ATAD5: variants seen among roughly 807,000 people sequenced by gnomAD.
ATAD5 encodes the protein ATPase family AAA domain containing 5.
A neutral mutation model predicts 176.9 loss-of-function variants in ATAD5; 58 were observed. That is an observed-to-expected ratio of 0.33 (90% CI 0.27 to 0.41). The LOEUF (loss-of-function observed/expected upper bound fraction) is 0.41, where lower values mean the gene tolerates loss of function less well. Among genes scored for constraint, ATAD5 ranks in the 10% least tolerant of loss-of-function variants. ATAD5 has a pLI of 1.00. For missense variants in ATAD5, 1,789 were observed against 2,094.1 expected, an observed-to-expected ratio of 0.85 and a Z score of 2.84; for synonymous variants, 640 against 712.6, an observed-to-expected ratio of 0.90 and a Z score of 1.62.
At chr17:30,848,919 G>A (rs1324770962) in intron 6 of ATAD5, among the ~76,000 whole-genome samples, 2 of 152,086 alleles carry the variant, frequency 1.3e-5, no homozygotes, top group African/African-American at 4.8e-5. Flanking sequence ...CGCCCAGACT[G>A]GAGTACAGTG....
In ATAD5 at chr17:30,883,149, CG is replaced by C. The variant is rs1199451882; in HGVS notation, c.4077+3664del. On this transcript the variant is annotated intron_variant, in intron 18 of 22. Coordinates refer to ENST00000321990, the MANE Select transcript of ATAD5 (RefSeq NM_024857.5). ...ATTTTTTTTTTTTTTTTTTGAGATACGGTCTCACTCTATCTCCTAGGCTGGA... is the reference window on the plus strand; with the variant it reads ...ATTTTTTTTTTTTTTTTTTGAGATACGTCTCACTCTATCTCCTAGGCTGGA... Among the ~76,000 whole-genome samples, 10 of 137,254 alleles carry C rather than the reference CG, an allele frequency of 7.3e-5. No homozygotes were observed. In the East Asian group the frequency reaches 2.1e-3, roughly 29 times the overall value. 90.0% of individuals were successfully genotyped at this position (137,254 alleles called of 152,430 possible).
rs770343109 is a variant in ATAD5, at chr17:30,834,926, T to C, written c.845T>C (p.Ile282Thr). 2 of 1,612,126 alleles carry C rather than the reference T, an allele frequency of 1.2e-6. No homozygotes were observed. The highest frequency in any genetic ancestry group is 1.7e-5 in the Admixed American group (1 of 59,566). ...CACAAGGAAAATAAAGTGGAAGAGA[T>C]ACCAGACTCTACAATGTCAATTTGT... ...KSHKENKVEE[I>T]PDSTMSICVP... is the part of the protein sequence containing the mutation. Residue 282 changes from isoleucine to threonine, a missense_variant, in exon 2 of 23, where the codon ATA becomes ACA. Around this residue, in one of 6 missense-constraint regions of ATAD5, gnomAD observed 696 missense variants for 712.5 expected, o/e 0.98. Coordinates refer to ENST00000321990, the MANE Select transcript of ATAD5 (RefSeq NM_024857.5).
intron 4 of ATAD5, 94 bp downstream of exon 4, chr17:30,840,875 T>G: frequency 7.9e-7 from 1 of 1,271,340 alleles, no homozygotes; most frequent in Non-Finnish European, 1.1e-6. Flanking sequence ...AAGGTAGGTT[T>G]GTGTGATAGC....
At chr17:30,834,052 T>A (rs140507271) in intron 1 of ATAD5, 96 bp from the exon 2 acceptor site, 18,982 of 1,066,834 alleles carry the variant, frequency 0.018, 213 homozygotes, top group Non-Finnish European at 0.02. Context: ...TTCCTTTTTT[T>A]AATCCTATTA....
chr17:30,858,417 C>G (rs1907413429), intron 9 of ATAD5, 94 bp downstream of exon 9: 2 of 954,052 alleles, frequency 2.1e-6, no homozygotes, highest in Admixed American at 8.9e-5. Context: ...CGGAGTTTTG[C>G]TCTTGTCGCC....
chr17:30,869,926 A>C (rs1436356191), intron 14 of ATAD5: 1 of 302,198 alleles, frequency 3.3e-6, no homozygotes, highest in Non-Finnish European at 6.0e-6. Flanking sequence ...CCTAAGCAGC[A>C]TAGCGAGACC....
At chr17:30,886,221 A>C (rs1333560032) in intron 18 of ATAD5, among the ~76,000 whole-genome samples, 3 of 150,948 alleles carry the variant, frequency 2.0e-5, no homozygotes, top group Non-Finnish European at 2.9e-5. Context: ...ATTAAGGTTA[A>C]GCTGCCCTCA....
chr17:30,831,975 A>T lies in ATAD5; in HGVS notation c.-373A>T. On this transcript the variant is annotated 5_prime_UTR_variant, in exon 1 of 23. Coordinates refer to ENST00000321990, the MANE Select transcript of ATAD5 (RefSeq NM_024857.5). ...GTAAACTCCGCCCCTTGCGCGCAGG[A>T]CGGCGCGAAAACCCAATTGACAAGA... The T allele has an allele frequency of 3.2e-6, 1 of 311,190 alleles. No homozygotes were observed. The highest frequency in any genetic ancestry group is 5.9e-6 in the Non-Finnish European group (1 of 170,754). 19.3% of individuals were successfully genotyped at this position (311,190 alleles called of 1,614,324 possible).
chr17:30,844,889 A>G lies in ATAD5; in HGVS notation c.2423A>G (p.Asp808Gly). The G allele has an allele frequency of 6.3e-7, 1 of 1,584,526 alleles. No homozygotes were observed. The highest frequency in any genetic ancestry group is 8.5e-7 in the Non-Finnish European group (1 of 1,172,878). The change falls in exon 6 of 23, where the codon GAT becomes GGT. Residue 808 changes from aspartate (D) to glycine (G), a missense_variant. Asp to Gly is a moderately conservative substitution (Grantham distance 94). Coordinates refer to ENST00000321990, the MANE Select transcript of ATAD5 (RefSeq NM_024857.5). Reference protein sequence around the residue: ...FLVRKAQKAADPVPSFDESSQ... With the variant: ...FLVRKAQKAAGPVPSFDESSQ... The stretch of plus-strand genomic sequence containing the variant: ...GTCAGAAAAGCACAAAAAGCAGCTG[A>G]TCCTGTCCCTAGTTTTGATGAAAGC...
At chr17:30,889,592 TTTTA>T (rs2142449959) in intron 19 of ATAD5, among the ~76,000 whole-genome samples, 2 of 151,704 alleles carry the variant, frequency 1.3e-5, no homozygotes, top group African/African-American at 4.9e-5. Context: ...TCAGAAATGC[TTTTA>T]TTTCTTATTT....
chr17:30,886,056 C>A (rs1169729654), intron 18 of ATAD5, among the ~76,000 whole-genome samples: 1 of 151,874 alleles, frequency 6.6e-6, no homozygotes, highest in Non-Finnish European at 1.5e-5. Flanking sequence ...TAATGATAAA[C>A]CCCCCTTGGT....
intron 10 of ATAD5, chr17:30,864,163 A>C (rs1035808359): frequency 1.3e-5 from 2 of 152,066 alleles, no homozygotes; most frequent in African/African-American, 4.8e-5. Flanking sequence ...TGGTTATTAA[A>C]AATTTAAATA....
At position 30,835,752 on chromosome 17, in the gene ATAD5, CAATAAT is replaced by C. The variant is rs759813764; in HGVS notation, c.1674_1679del (p.Asn558_Asn559del). The C allele has an allele frequency of 6.2e-7, 1 of 1,613,428 alleles. No individual in the cohort carries two copies. Among genetic ancestry groups the C allele is most frequent in the South Asian group, 1.1e-5 (1 of 90,864 alleles). On this transcript the variant is annotated inframe_deletion, in exon 2 of 23. Coordinates refer to ENST00000321990, the MANE Select transcript of ATAD5 (RefSeq NM_024857.5). The stretch of plus-strand genomic sequence containing the variant: ...TTCTAAAGGTTTCCTCTCTGTGTAA[CAATAAT>C]AAATTGTCAAGAAAAACCAGCATAC...
chr17:30,866,237 G>T (rs1907971538), intron 11 of ATAD5, among the ~76,000 whole-genome samples: 1 of 107,336 alleles, frequency 9.3e-6, no homozygotes, highest in African/African-American at 3.6e-5. Context: ...TCACTCTGTT[G>T]CCTAGGCTGG....
At chr17:30,859,207 A>G (rs1227467588) in intron 9 of ATAD5, among the ~76,000 whole-genome samples, 1 of 152,232 alleles carries the variant, frequency 6.6e-6, no homozygotes, top group African/African-American at 2.4e-5. Flanking sequence ...ATGCCAACTC[A>G]AAGATAGCTT....
intron 10 of ATAD5, among the ~76,000 whole-genome samples, chr17:30,865,277 A>G (rs1442942087): frequency 6.7e-6 from 1 of 149,482 alleles, no homozygotes; most frequent in African/African-American, 2.5e-5. Flanking sequence ...GGTTCACACC[A>G]TTCTCCTGCC....
Position 30,877,555 on chromosome 17 carries a change from C to T in ATAD5, c.3918+6C>T. 1 of 1,602,648 alleles carries T rather than the reference C, an allele frequency of 6.2e-7. No homozygotes were observed. Among genetic ancestry groups the T allele is most frequent in the Non-Finnish European group, 8.5e-7 (1 of 1,177,118 alleles). ...CTCTTATTCTTTTTGAGGAGGTAGG[C>T]TTATAGAAGTATACATTTGTGAGAG... On this transcript the variant is annotated splice_donor_region_variant and intron_variant, in intron 16 of 22. Transcript: ENST00000321990.
intron 19 of ATAD5, among the ~76,000 whole-genome samples, chr17:30,892,284 G>C (rs781454377): frequency 6.6e-5 from 10 of 152,012 alleles, no homozygotes; most frequent in Non-Finnish European, 1.0e-4. Flanking sequence ...AAGTAGCCGG[G>C]TGTGGTAGCG....
At chr17:30,862,266 G>A (rs1431308373) in intron 10 of ATAD5, among the ~76,000 whole-genome samples, 8 of 150,974 alleles carry the variant, frequency 5.3e-5, no homozygotes, top group East Asian at 2.1e-4. Flanking sequence ...CCTGGGAGGC[G>A]GAGGCTGCAG....
Sources: allele counts gnomAD v4.1 joint callset (sites outside exome capture counted in the v4.1 genomes callset), GRCh38; gene constraint gnomAD v4.1.1; regional missense constraint gnomAD v4.1.1; transcripts MANE v1.5; gene names NCBI Gene and HGNC (gene_info 2026-07-23, HGNC 2026-07-21).